Variants in CCDC102B observed in about 807,000 individuals in gnomAD.
The protein encoded by CCDC102B is coiled-coil domain containing 102B, also known as coiled-coil domain-containing protein 102B.
A neutral mutation model predicts 57.4 loss-of-function variants in CCDC102B; 75 were observed. The ratio of observed to expected loss-of-function variants is 1.31; its 90% CI spans 1.08 to 1.58. CCDC102B has a LOEUF of 1.58. Ranked by LOEUF, CCDC102B falls within the 40% of genes most tolerant of loss-of-function variation. The pLI is 0.00. For missense variants in CCDC102B, 636 were observed against 582.6 expected (o/e 1.09, Z -0.94); for synonymous variants, 206 against 201.9 (o/e 1.02, Z -0.17).
At chr18:68,828,158 A>G (rs1568272680) in intron 1 of CCDC102B, among the ~76,000 whole-genome samples, 2 of 151,766 alleles carry the variant, frequency 1.3e-5, no homozygotes, top group South Asian at 2.1e-4. Context: ...CTCAACAACT[A>G]ATAAAATGAC....
intron 6 of CCDC102B, among the ~76,000 whole-genome samples, chr18:68,987,169 T>C (rs2050745536): frequency 6.6e-6 from 1 of 152,164 alleles, no homozygotes; most frequent in African/African-American, 2.4e-5. Context: ...GACTTCAAAC[T>C]ATACTATAAG....
At chr18:69,006,247 G>T (rs1286982077) in intron 6 of CCDC102B, among the ~76,000 whole-genome samples, 1 of 152,020 alleles carries the variant, frequency 6.6e-6, no homozygotes, top group East Asian at 1.9e-4. Flanking sequence ...ATATTCATTG[G>T]ATTATAGTGT....
At chr18:68,985,101 G>A (rs1427707507) in intron 6 of CCDC102B, among the ~76,000 whole-genome samples, 1 of 152,110 alleles carries the variant, frequency 6.6e-6, no homozygotes, top group African/African-American at 2.4e-5. Flanking sequence ...TTGTATACCT[G>A]TAATCTCACA....
intron 6 of CCDC102B, among the ~76,000 whole-genome samples, chr18:68,930,109 A>C (rs1259220590): frequency 6.6e-6 from 1 of 151,416 alleles, no homozygotes; most frequent in Non-Finnish European, 1.5e-5. Context: ...ATCTACAAGG[A>C]AACAAAGGCC....
At chr18:68,967,487 T>C (rs1264671015) in intron 6 of CCDC102B, among the ~76,000 whole-genome samples, 1 of 152,166 alleles carries the variant, frequency 6.6e-6, no homozygotes, top group Non-Finnish European at 1.5e-5. Context: ...TAAGATTAGA[T>C]TTGAACGAAG....
chr18:68,784,971 TC>T (rs1411744365), intron 2 of CCDC102B, among the ~76,000 whole-genome samples: 5 of 82,290 alleles, frequency 6.1e-5, no homozygotes, highest in African/African-American at 1.9e-4. Flanking sequence ...ATGCTATCCC[TC>T]CCCCCTCCCC....
chr18:68,950,520 A>G (rs1279167838), intron 6 of CCDC102B, among the ~76,000 whole-genome samples: 1 of 152,134 alleles, frequency 6.6e-6, no homozygotes, highest in East Asian at 1.9e-4. Flanking sequence ...ATGTATTTGT[A>G]ATACATAACT....
At chr18:69,001,820 A>C (rs775876203) in intron 6 of CCDC102B, among the ~76,000 whole-genome samples, 9 of 152,220 alleles carry the variant, frequency 5.9e-5, no homozygotes, top group Non-Finnish European at 1.2e-4. Flanking sequence ...AGAAAGGAGA[A>C]ATGATATCTC....
intron 6 of CCDC102B, among the ~76,000 whole-genome samples, chr18:68,952,347 T>C (rs1409870178): frequency 6.6e-6 from 1 of 152,130 alleles, no homozygotes; most frequent in Non-Finnish European, 1.5e-5. Context: ...TATTGGAAAC[T>C]GTAAGTTGTC....
chr18:68,733,417 G>A (rs2032972954), intron 2 of CCDC102B, among the ~76,000 whole-genome samples: 1 of 147,938 alleles, frequency 6.8e-6, no homozygotes. Flanking sequence ...GGGATGAGAA[G>A]ATATTTTAAT....
chr18:68,828,738 CTTTA>C (rs907869920), intron 1 of CCDC102B, among the ~76,000 whole-genome samples: 9 of 151,184 alleles, frequency 6.0e-5, no homozygotes, highest in African/African-American at 2.2e-4. Flanking sequence ...TAAATTGTTA[CTTTA>C]TTTAAAAATA....
intron 2 of CCDC102B, among the ~76,000 whole-genome samples, chr18:68,790,385 T>C (rs1383332966): frequency 3.3e-5 from 5 of 152,026 alleles, no homozygotes; most frequent in East Asian, 1.9e-4. Flanking sequence ...GCTGCTTTGT[T>C]TACCTAAGCA....
chr18:68,999,500 A>C (rs1271525458), intron 6 of CCDC102B, among the ~76,000 whole-genome samples: 1 of 151,434 alleles, frequency 6.6e-6, no homozygotes, highest in African/African-American at 2.4e-5. Context: ...CAGCTACTCG[A>C]GAGGCTGAGT....
At chr18:68,836,401 G>T (rs949693935) in intron 1 of CCDC102B, among the ~76,000 whole-genome samples, 2 of 152,008 alleles carry the variant, frequency 1.3e-5, no homozygotes. Flanking sequence ...AGGCTGAGGC[G>T]GGTGGATCAC....
At chr18:68,829,316 C>T (rs553496829) in intron 1 of CCDC102B, among the ~76,000 whole-genome samples, 6 of 151,994 alleles carry the variant, frequency 3.9e-5, no homozygotes, top group African/African-American at 4.8e-5. Flanking sequence ...TTTGGATATA[C>T]GCACAGGTAT....
chr18:68,914,404 T>C (rs994959485), intron 6 of CCDC102B, among the ~76,000 whole-genome samples: 2 of 152,186 alleles, frequency 1.3e-5, no homozygotes, highest in African/African-American at 4.8e-5. Flanking sequence ...GCTGCTGGGA[T>C]AGACTCAGGC....
intron 6 of CCDC102B, among the ~76,000 whole-genome samples, chr18:68,977,554 A>G (rs592936): frequency 0.012 from 1,883 of 151,170 alleles, 59 homozygotes; most frequent in African/African-American, 0.043. Flanking sequence ...AAACTATAGC[A>G]CTAAAAAAAA....
intron 6 of CCDC102B, among the ~76,000 whole-genome samples, chr18:68,958,036 G>A (rs1161257723): frequency 1.3e-5 from 2 of 152,250 alleles, no homozygotes; most frequent in Middle Eastern, 6.8e-3. Flanking sequence ...CACAATCATG[G>A]CAGAAGGTGA....
At chr18:69,043,137 A>C (rs12606934) in intron 7 of CCDC102B, among the ~76,000 whole-genome samples, 5,069 of 152,200 alleles carry the variant, frequency 0.033, 138 homozygotes, top group East Asian at 0.15. Flanking sequence ...CATCATAGAC[A>C]AGGTAAAGGA....
Sources: gnomAD v4.1 joint callset for allele counts (sites outside exome capture counted in the v4.1 genomes callset) on GRCh38, gnomAD v4.1.1 for gene constraint, MANE v1.5 for transcripts, NCBI Gene and HGNC (gene_info 2026-07-23, HGNC 2026-07-21) for gene names.